The following ZNF212 variants were observed in gnomAD, a reference collection of about 807,000 sequenced individuals.
ZNF212 encodes the protein zinc finger protein 212, also known as Zinc finger protein C2H2-150.
ZNF212 carries 32 observed loss-of-function variants against 47.3 expected under a neutral mutation model. The observed-to-expected ratio is 0.68, with a 90% CI of 0.51 to 0.91. The LOEUF is 0.91. Ranked by LOEUF, ZNF212 falls within the 40% of genes least tolerant of loss-of-function variation. ZNF212 has a pLI of 0.00. For missense variants in ZNF212, 555 were observed against 622.8 expected, an observed-to-expected ratio of 0.89 and a Z score of 1.16; for synonymous variants, 242 against 253.8, an observed-to-expected ratio of 0.95 and a Z score of 0.44.
chr7:149,249,490 C>G (rs1372355434), intron 1 of ZNF212, among the ~76,000 whole-genome samples: 2 of 151,968 alleles, frequency 1.3e-5, no homozygotes, highest in Admixed American at 1.3e-4. Context: ...AACACTGATA[C>G]AGGAGTCTCA....
chr7:149,239,940 C>G, intron 1 of ZNF212, 138 bp downstream of exon 1: 1 of 1,034,366 alleles, frequency 9.7e-7, no homozygotes. Context: ...GAACGCGGAC[C>G]CTCCTCTTCG....
intron 3 of ZNF212, 40 bp from the exon 4 acceptor site, chr7:149,252,666 C>T: frequency 6.3e-7 from 1 of 1,598,724 alleles, no homozygotes; most frequent in South Asian, 1.1e-5. Context: ...AGTGAGCTTT[C>T]ACTCTCTCCT....
intron 1 of ZNF212, among the ~76,000 whole-genome samples, chr7:149,242,968 A>C (rs1027856457): frequency 8.5e-5 from 13 of 152,252 alleles, no homozygotes; most frequent in African/African-American, 3.1e-4. Flanking sequence ...GAAAGATGGG[A>C]TAAATAGCAC....
rs750297367 is a variant in ZNF212, at chr7:149,241,082, A to G, written c.24+1280A>G. Among the ~76,000 whole-genome samples, 14 of 152,310 alleles carry G rather than the reference A, an allele frequency of 9.2e-5. No individual in the cohort carries two copies. The East Asian group carries it at 1.3e-3, about 15-fold the overall frequency. On this transcript the variant is annotated intron_variant, in intron 1 of 4. Coordinates refer to ENST00000335870, the MANE Select transcript of ZNF212 (RefSeq NM_012256.4). ...GGATTCTGCCACAGTTCTTCCTGCC[A>G]GGTCACTCCACAATTACCTACATGT... is the stretch of plus-strand genomic sequence containing the variant.
chr7:149,253,435 T>A, intron 4 of ZNF212, 124 bp from the exon 5 acceptor site: 2 of 1,233,030 alleles, frequency 1.6e-6, no homozygotes, highest in Non-Finnish European at 2.2e-6. Flanking sequence ...GTCATCCTCC[T>A]CCACGTTATC....
At chr7:149,245,762 C>T (rs563072330) in intron 1 of ZNF212, among the ~76,000 whole-genome samples, 1 of 152,316 alleles carries the variant, frequency 6.6e-6, no homozygotes, top group Non-Finnish European at 1.5e-5. Flanking sequence ...CCGCCTCAAG[C>T]CTCCCGAAGT....
At position 149,254,465 on chromosome 7, in the gene ZNF212, C is replaced by T. The variant is rs768036649; in HGVS notation, c.*50C>T. On this transcript the variant is annotated 3_prime_UTR_variant, in exon 5 of 5. Coordinates refer to ENST00000335870, the MANE Select transcript of ZNF212 (RefSeq NM_012256.4). This position sits in a 1 kb window ranked among gnomAD's most constrained non-coding sequence, Gnocchi z 4.5. ...GGGATGGAGGGGGGTGGCATTGGTT[C>T]CCCCGAAGAGACACTGCAGTCAGGG... 1.3e-6 allele frequency: 2 copies of T among 1,539,154 alleles called. No homozygotes were observed. Among genetic ancestry groups the T allele is most frequent in the Non-Finnish European group, 1.7e-6 (2 of 1,153,526 alleles).
chr7:149,251,491 CTTTTTTTTTTT>C (rs71194634), intron 3 of ZNF212, among the ~76,000 whole-genome samples: 2 of 77,436 alleles, frequency 2.6e-5, no homozygotes, highest in Middle Eastern at 0.017. Flanking sequence ...CCTGTTTTAT[CTTTTTTTTTTT>C]TTTTTTTTTT....
chr7:149,251,941 T>TAAAAAA (rs36067111), intron 3 of ZNF212, among the ~76,000 whole-genome samples: 8 of 109,540 alleles, frequency 7.3e-5, no homozygotes, highest in Non-Finnish European at 1.5e-4. Context: ...CTCTGTTGCT[T>TAAAAAA]AAAAAAAAAA....
chr7:149,253,278 C>G (rs1796784100), intron 4 of ZNF212, among the ~76,000 whole-genome samples: 1 of 152,152 alleles, frequency 6.6e-6, no homozygotes, highest in Non-Finnish European at 1.5e-5. Context: ...TCATTTTTCA[C>G]AGGGATTAAA....
chr7:149,247,499 G>A (rs1041182935), intron 1 of ZNF212, among the ~76,000 whole-genome samples: 2 of 152,188 alleles, frequency 1.3e-5, no homozygotes, highest in African/African-American at 4.8e-5. Flanking sequence ...AGTCGAAGTA[G>A]TAGTCTACTA....
Position 149,239,742 on chromosome 7 carries a change from C to A in ZNF212, c.-37C>A. On this transcript the variant is annotated 5_prime_UTR_variant, in exon 1 of 5. Transcript: ENST00000335870. ...GGACAGGAACGCAGCACGGGGGCTC[C>A]GAGGCGGGGTCTGGGTGTTGAGGGG... 7.8e-7 allele frequency: 1 copy of A among 1,277,030 alleles called. No homozygotes were observed. Among genetic ancestry groups the A allele is most frequent in the East Asian group, 3.0e-5 (1 of 33,536 alleles). The allele number at this position is 1,277,030 out of a possible 1,614,324, so 79.1% of individuals were successfully genotyped here. A position where few individuals can be genotyped will look rare whatever the true frequency, so the allele number is the denominator to read the frequency against.
In ZNF212 at chr7:149,250,746, T is replaced by C. The variant is rs751501979; in HGVS notation, c.480T>C (p.Asp160=). 1.1e-5 allele frequency: 17 copies of C among 1,614,084 alleles called. No homozygotes were observed. Among genetic ancestry groups the C allele is most frequent in the East Asian group, 4.5e-5 (2 of 44,898 alleles). Residue 160 remains aspartate (D), a synonymous_variant, in exon 3 of 5, where the codon GAT becomes GAC. Coordinates refer to ENST00000335870, the MANE Select transcript of ZNF212 (RefSeq NM_012256.4). ...FTEQEWENLE[D]WQKELYRNVM... The stretch of plus-strand genomic sequence containing the variant: ...AGCAGGAATGGGAGAATCTGGAGGA[T>C]TGGCAGAAGGAGCTCTACAGAAACG...
chr7:149,249,190 T>C (rs1796718400), intron 1 of ZNF212, among the ~76,000 whole-genome samples: 1 of 152,208 alleles, frequency 6.6e-6, no homozygotes, highest in African/African-American at 2.4e-5. Flanking sequence ...GACAGCTCAT[T>C]AAAGTGAAAA....
intron 1 of ZNF212, among the ~76,000 whole-genome samples, chr7:149,245,873 A>G (rs188669509): frequency 3.9e-4 from 60 of 152,242 alleles, no homozygotes; most frequent in African/African-American, 1.3e-3. Flanking sequence ...TTCTTCCCCT[A>G]AGAGTGTGTA....
intron 1 of ZNF212, among the ~76,000 whole-genome samples, chr7:149,249,380 C>T (rs1796720452): frequency 6.6e-6 from 1 of 152,180 alleles, no homozygotes; most frequent in Admixed American, 6.5e-5. Context: ...GTGACATGAT[C>T]AACTATGAAG....
rs140747742 is a variant in ZNF212, at chr7:149,250,380, G to A, written c.246G>A (p.Met82Ile). 23 of 1,614,080 alleles carry A rather than the reference G, an allele frequency of 1.4e-5. No homozygotes were observed. Among genetic ancestry groups the A allele is most frequent in the South Asian group, 1.3e-4 (12 of 91,086 alleles). Residue 82 changes from methionine (M) to isoleucine (I), a missense_variant, in exon 2 of 5, where the codon ATG becomes ATA. Coordinates refer to ENST00000335870, the MANE Select transcript of ZNF212 (RefSeq NM_012256.4). Reference sequence around the variant, plus strand: ...AGAAGCTGGCTGACTGCGAGAAGATGGCCGTGGAGTTCGGGAACCAGCTGG... The same window carrying A: ...AGAAGCTGGCTGACTGCGAGAAGATAGCCGTGGAGTTCGGGAACCAGCTGG... ...AEKKLADCEK[M>I]AVEFGNQLEG...
chr7:149,249,691 G>C (rs965272071), intron 1 of ZNF212, among the ~76,000 whole-genome samples: 9 of 152,108 alleles, frequency 5.9e-5, no homozygotes, highest in African/African-American at 2.2e-4. Context: ...GCACTGGCAC[G>C]ATCTTGGCTC....
intron 1 of ZNF212, among the ~76,000 whole-genome samples, chr7:149,245,154 G>A (rs1290941948): frequency 6.6e-6 from 1 of 151,910 alleles, no homozygotes; most frequent in African/African-American, 2.4e-5. Context: ...TTTGAGACCC[G>A]CCTGGGCAAC....
Sources: gnomAD v4.1 joint callset for allele counts (sites outside exome capture counted in the v4.1 genomes callset) on GRCh38, gnomAD v4.1.1 for gene constraint, Gnocchi (gnomAD v3.1) non-coding constraint, MANE v1.5 for transcripts, NCBI Gene and HGNC (gene_info 2026-07-23, HGNC 2026-07-21) for gene names.